The following SLC8A1 variants were observed in gnomAD, a reference collection of about 807,000 sequenced individuals.
SLC8A1 encodes the protein solute carrier family 8 member A1.
SLC8A1 carries 18 observed loss-of-function variants against 68.3 expected under a neutral mutation model. The observed-to-expected ratio is 0.26, with a 90% CI of 0.18 to 0.39. The LOEUF (loss-of-function observed/expected upper bound fraction) is 0.39, where lower values mean the gene tolerates loss of function less well. Ranked by LOEUF, SLC8A1 falls within the 10% of genes least tolerant of loss-of-function variation. SLC8A1 has a pLI of 1.00. For synonymous variants in SLC8A1, 475 were observed against 415.5 expected, an observed-to-expected ratio of 1.14 and a Z score of -1.74; for missense variants, 985 against 1,156.7, an observed-to-expected ratio of 0.85 and a Z score of 2.15.
chr2:40,266,924 T>C (rs932472192), intron 2 of SLC8A1, among the ~76,000 whole-genome samples: 1 of 152,174 alleles, frequency 6.6e-6, no homozygotes, highest in Non-Finnish European at 1.5e-5. Flanking sequence ...GGATGAAACA[T>C]CTTGTCAATA....
At chr2:40,171,898 A>G (rs543613894) in intron 4 of SLC8A1, among the ~76,000 whole-genome samples, 1 of 152,388 alleles carries the variant, frequency 6.6e-6, no homozygotes, top group South Asian at 2.1e-4. Flanking sequence ...AGATCTGCAG[A>G]TTCCAAAAGC....
At chr2:40,286,054 C>T (rs903541539) in intron 2 of SLC8A1, among the ~76,000 whole-genome samples, 17 of 152,270 alleles carry the variant, frequency 1.1e-4, no homozygotes, top group Admixed American at 2.6e-4. Flanking sequence ...TGGGCTGGTT[C>T]TCTGTGCTAG....
intron 1 of SLC8A1, among the ~76,000 whole-genome samples, chr2:40,470,235 A>T (rs1028410472): frequency 3.9e-5 from 6 of 152,254 alleles, no homozygotes; most frequent in African/African-American, 1.4e-4. Flanking sequence ...AAAACTTAAA[A>T]ATTTCCCATT....
intron 7 of SLC8A1, among the ~76,000 whole-genome samples, chr2:40,135,025 C>T (rs977604577): frequency 1.3e-5 from 2 of 152,060 alleles, no homozygotes; most frequent in African/African-American, 2.4e-5. Context: ...GACAAACAGC[C>T]AGTCTTGTGT....
At chr2:40,509,437 ATTTTTTTTTTT>A (rs367549288) in intron 1 of SLC8A1, among the ~76,000 whole-genome samples, 32 of 113,726 alleles carry the variant, frequency 2.8e-4, no homozygotes, top group South Asian at 1.1e-3. Flanking sequence ...GGGATTTGGA[ATTTTTTTTTTT>A]TTTTTTTTTT....
intron 1 of SLC8A1, among the ~76,000 whole-genome samples, chr2:40,435,751 A>C (rs1699274114): frequency 6.6e-6 from 1 of 151,902 alleles, no homozygotes; most frequent in Non-Finnish European, 1.5e-5. Context: ...CCCCTACTTT[A>C]TTTTTCGAGA....
chr2:40,146,920 T>G (rs1423688707), intron 6 of SLC8A1, among the ~76,000 whole-genome samples: 1 of 152,102 alleles, frequency 6.6e-6, no homozygotes, highest in Non-Finnish European at 1.5e-5. Context: ...GTGACAGTAT[T>G]GTAAAGGGCG....
intron 5 of SLC8A1, among the ~76,000 whole-genome samples, chr2:40,161,489 T>C (rs974901224): frequency 6.6e-6 from 1 of 152,214 alleles, no homozygotes; most frequent in Admixed American, 6.5e-5. Flanking sequence ...TCAGTTCTTA[T>C]GGTTTAGGGC....
intron 2 of SLC8A1, among the ~76,000 whole-genome samples, chr2:40,262,078 T>A (rs542832830): frequency 6.6e-6 from 1 of 152,080 alleles, no homozygotes; most frequent in South Asian, 2.1e-4. Flanking sequence ...TTCTCCTGTC[T>A]CAGCCTCCTT....
intron 2 of SLC8A1, among the ~76,000 whole-genome samples, chr2:40,277,891 C>T (rs551001755): frequency 2.8e-5 from 4 of 144,138 alleles, no homozygotes; most frequent in Non-Finnish European, 4.5e-5. Context: ...AAAAGCTTTA[C>T]ATCTAAAATG....
At chr2:40,190,927 G>C (rs1476304976) in intron 2 of SLC8A1, among the ~76,000 whole-genome samples, 1 of 152,038 alleles carries the variant, frequency 6.6e-6, no homozygotes, top group African/African-American at 2.4e-5. Context: ...GTCAATAACT[G>C]TGTGTGTGGG....
chr2:40,443,779 G>A (rs1030583792), intron 1 of SLC8A1, among the ~76,000 whole-genome samples: 1 of 152,104 alleles, frequency 6.6e-6, no homozygotes, highest in African/African-American at 2.4e-5. Context: ...CTGTAAAACT[G>A]GGAAATTCTG....
rs894072210 is a variant in SLC8A1 at position 40,139,674 on chromosome 2, C to G, written c.2164G>C (p.Glu722Gln). Residue 722 changes from glutamate to glutamine, a missense_variant and splice_region_variant, in exon 7 of 8, where the codon GAA becomes CAA. Physicochemically the swap from Glu to Gln is conservative, Grantham distance 29. This residue lies in a region of SLC8A1 where 584 missense variants were observed against 565.9 expected (regional missense o/e 1.03). Coordinates refer to ENST00000406785, the Ensembl canonical transcript of SLC8A1. Reference sequence around the variant, plus strand: ...CCACATTCATCGTCGTCATCATCTTCCCCTAGAGAGAATGGAAGGAAGCAC... The same window carrying G: ...CCACATTCATCGTCGTCATCATCTTGCCCTAGAGAGAATGGAAGGAAGCAC... The G allele has an allele frequency of 2.5e-6, 4 of 1,612,512 alleles. No homozygotes were observed. In the Admixed American group the frequency reaches 6.7e-5, roughly 27 times the overall value.
At chr2:40,378,096 C>T (rs907653789) in intron 2 of SLC8A1, among the ~76,000 whole-genome samples, 2 of 151,974 alleles carry the variant, frequency 1.3e-5, no homozygotes, top group Non-Finnish European at 2.9e-5. Context: ...AATCAGTGAA[C>T]AGAACAGATA....
At chr2:40,367,737 G>A (rs919642115) in intron 2 of SLC8A1, among the ~76,000 whole-genome samples, 2 of 151,942 alleles carry the variant, frequency 1.3e-5, no homozygotes, top group Non-Finnish European at 2.9e-5. Context: ...AGTACAACAT[G>A]TAGCGAGACA....
chr2:40,169,799 G>A (rs1355586866), intron 4 of SLC8A1, among the ~76,000 whole-genome samples: 1 of 152,054 alleles, frequency 6.6e-6, no homozygotes, highest in East Asian at 1.9e-4. Flanking sequence ...AAAGTAGCTG[G>A]GCATGGTGGT....
intron 2 of SLC8A1, among the ~76,000 whole-genome samples, chr2:40,427,141 C>T (rs973883745): frequency 1.3e-5 from 2 of 151,980 alleles, no homozygotes; most frequent in Admixed American, 6.6e-5. Context: ...ATAATCCCTG[C>T]TTTGCTTGAT....
chr2:40,265,835 C>T lies in SLC8A1; in HGVS notation c.1809-87980G>A, dbSNP rs146854790. ...CACTTCTATAGCATGCAATTATTTG[C>T]TGAAGGAAGTTCCAGGCATAAAGAA... On this transcript the variant is annotated intron_variant, in intron 2 of 7. Coordinates refer to ENST00000406785, the Ensembl canonical transcript of SLC8A1. 3.9e-5 allele frequency among the ~76,000 whole-genome samples: 6 copies of T among 152,108 alleles called. No homozygotes were observed. In the East Asian group the frequency reaches 1.2e-3, roughly 29 times the overall value.
At chr2:40,107,709 C>T (rs182114645) in exon 8 of SLC8A1, 1 of 152,104 alleles carries the variant, frequency 6.6e-6, no homozygotes, top group East Asian at 1.9e-4. Flanking sequence ...ATATCTGATA[C>T]TAGGACAATC....
Sources: allele counts gnomAD v4.1 joint callset (sites outside exome capture counted in the v4.1 genomes callset), GRCh38; gene constraint gnomAD v4.1.1; regional missense constraint gnomAD v4.1.1; transcripts MANE v1.5; gene names NCBI Gene and HGNC (gene_info 2026-07-23, HGNC 2026-07-21).